Variants in KRT3 observed in about 807,000 individuals in gnomAD.
The protein encoded by KRT3 is keratin, type II cytoskeletal 3.
In KRT3, 34 loss-of-function variants were observed where a neutral mutation model predicts 45.8. That is an observed-to-expected ratio of 0.74 (90% confidence interval 0.57 to 0.99). KRT3 has a LOEUF of 0.99. KRT3 is among the 50% of genes least tolerant of loss of function. The pLI, the probability that KRT3 is intolerant of heterozygous loss-of-function variation, is 0.00. For missense variants in KRT3, 828 were observed against 820.6 expected (o/e 1.01, Z -0.11); for synonymous variants, 367 against 329.0 (o/e 1.12, Z -1.25).
Position 52,795,523 on chromosome 12 carries a change from T to G in KRT3, c.520A>C (p.Thr174Pro), listed in dbSNP as rs1939616774. ...GGFPGGIQEV[T>P]INQSLLQPLN... ...GGCTGCAGGAGACTCTGGTTGATAG[T>G]CACTTCCTGAATTCCCCCAGGAAAG... Residue 174 changes from threonine (T) to proline (P), a missense_variant, in exon 1 of 9, where the codon ACT becomes CCT. Physicochemically the swap from Thr to Pro is conservative, Grantham distance 38. Transcript: ENST00000417996. The G allele has an allele frequency of 6.2e-7, 1 of 1,613,938 alleles. No individual in the cohort carries two copies. Among genetic ancestry groups the G allele is most frequent in the African/African-American group, 1.3e-5 (1 of 74,872 alleles).
Position 52,789,998 on chromosome 12 carries a change from C to T in KRT3, c.*44G>A. 1 of 1,519,602 alleles carries T rather than the reference C, an allele frequency of 6.6e-7. No individual in the cohort carries two copies. Among genetic ancestry groups the T allele is most frequent in the Non-Finnish European group, 8.8e-7 (1 of 1,130,708 alleles). 94.1% of individuals were successfully genotyped at this position (1,519,602 alleles called of 1,614,324 possible). ...GTTGCCAATATGGGGGCGTGGGGAGCGGAGGGGAGGCGCTGGAGTGGCTGC... is the reference window on the plus strand; with the variant it reads ...GTTGCCAATATGGGGGCGTGGGGAGTGGAGGGGAGGCGCTGGAGTGGCTGC... On this transcript the variant is annotated 3_prime_UTR_variant, in exon 9 of 9. Transcript: ENST00000417996.
Position 52,795,866 on chromosome 12 carries a change from G to A in KRT3, c.177C>T (p.Asn59=), listed in dbSNP as rs1939634144. The A allele has an allele frequency of 4.3e-6, 7 of 1,614,048 alleles. No homozygotes were observed. The East Asian group carries it at 8.9e-5, about 21-fold the overall frequency. ...AGGFGSRSLY[N]LGGNKSISIS... ...TGGAGATGCTCTTGTTGCCGCCCAG[G>A]TTGTAGAGGCTGCGACTGCCAAAGC... is the stretch of plus-strand genomic sequence containing the variant. The change falls in exon 1 of 9, where the codon AAC becomes AAT. Residue 59 remains asparagine (N), a synonymous_variant. Coordinates refer to ENST00000417996, the MANE Select transcript of KRT3 (RefSeq NM_057088.3).
chr12:52,791,680 G>T lies in KRT3; in HGVS notation c.1314+11C>A. ...AATCATCCCAGGTGCCAGCATCCAT[G>T]ACCATCCCACCTGCTTCTTGACACC... On this transcript the variant is annotated intron_variant, in intron 6 of 8. Coordinates refer to ENST00000417996, the MANE Select transcript of KRT3 (RefSeq NM_057088.3). 1 of 1,613,980 alleles carries T rather than the reference G, an allele frequency of 6.2e-7. No individual in the cohort carries two copies. The highest frequency in any genetic ancestry group is 8.5e-7 in the Non-Finnish European group (1 of 1,179,928).
rs1057130008 is a variant in KRT3, at chr12:52,790,333, G to A, written c.1596C>T (p.Ser532=). ...SISVVSSSTT[S]ASAGGYGGGY... is the part of the protein sequence containing the mutation. ...CTCCTCCATAGCCACCTGCGGAGGC[G>A]GAAGTCGTGCTGCTGCTGACCACGG... The change falls in exon 9 of 9, where the codon TCC becomes TCT. Residue 532 remains serine, a synonymous_variant. Coordinates refer to ENST00000417996, the MANE Select transcript of KRT3 (RefSeq NM_057088.3). 2 of 1,595,022 alleles carry A rather than the reference G, an allele frequency of 1.3e-6. No individual in the cohort carries two copies. Among genetic ancestry groups the A allele is most frequent in the Non-Finnish European group, 1.7e-6 (2 of 1,170,068 alleles).
chr12:52,790,285 A>C lies in KRT3; in HGVS notation c.1644T>G (p.Gly548=). ...YGGGYGGGMG[G]GLGGGFSAGG... ...CCGCACTGAAGCCACCTCCTAAACC[A>C]CCGCCCATGCCTCCGCCGTAACCTC... is the stretch of plus-strand genomic sequence containing the variant. The change falls in exon 9 of 9, where the codon GGT becomes GGG. Residue 548 remains glycine, a synonymous_variant. Coordinates refer to ENST00000417996, the MANE Select transcript of KRT3 (RefSeq NM_057088.3). 1 of 1,556,364 alleles carries C rather than the reference A, an allele frequency of 6.4e-7. No individual in the cohort carries two copies. Among genetic ancestry groups the C allele is most frequent in the East Asian group, 2.4e-5 (1 of 41,340 alleles).
rs745366431 is a variant in KRT3, at chr12:52,796,050, A to C, written c.-8T>G. The C allele has an allele frequency of 9.9e-5, 160 of 1,612,502 alleles. 1 individual carries two copies. The South Asian group carries it at 1.7e-3, about 17-fold the overall frequency. On this transcript the variant is annotated 5_prime_UTR_variant, in exon 1 of 9. Coordinates refer to ENST00000417996, the MANE Select transcript of KRT3 (RefSeq NM_057088.3). ...GCTGGCTTGTCTGCTCATGGTAAGG[A>C]GCTTGGCGAAGAGAAGAGTGTAAGT...
Position 52,791,198 on chromosome 12 carries a change from A to T in KRT3, c.1535+8T>A, listed in dbSNP as rs746339907. On this transcript the variant is annotated splice_region_variant and intron_variant, in intron 7 of 8. Transcript: ENST00000417996. ...AGGGGGTGTGGGAAGACGGGACTGG[A>T]GGCTCACCTGTACTCCTCGCCCTCC... 2 of 1,614,124 alleles carry T rather than the reference A, an allele frequency of 1.2e-6. No individual in the cohort carries two copies. Among genetic ancestry groups the T allele is most frequent in the Admixed American group, 3.3e-5 (2 of 60,028 alleles).
At chr12:52,791,853 C>A in intron 5 of KRT3, 37 bp from the exon 6 acceptor site, 1 of 1,596,178 alleles carries the variant, frequency 6.3e-7, no homozygotes. Context: ...ATTCCTGCAG[C>A]TTTGCTTGAC....
Position 52,790,173 on chromosome 12 carries a change from C to A in KRT3, c.1756G>T (p.Gly586Cys). ...CCAGAGATGGAGCCAAAGCCGCTGC[C>A]ACCGCTGAAACCGCTGCTGCCGCCG... ...FGGGSSGFSG[G>C]SGFGSISGAR... Residue 586 changes from glycine to cysteine, a missense_variant, in exon 9 of 9, where the codon GGC (glycine) becomes TGC (cysteine). Gly to Cys is a radical substitution (Grantham distance 159). Coordinates refer to ENST00000417996, the MANE Select transcript of KRT3 (RefSeq NM_057088.3). 6.5e-7 allele frequency: 1 copy of A among 1,548,554 alleles called. No individual in the cohort carries two copies. Among genetic ancestry groups the A allele is most frequent in the Non-Finnish European group, 8.7e-7 (1 of 1,146,848 alleles).
chr12:52,791,606 C>CAGACG, intron 6 of KRT3, 85 bp downstream of exon 6: 1 of 1,569,382 alleles, frequency 6.4e-7, no homozygotes, highest in East Asian at 2.2e-5. Flanking sequence ...GACCTCCAGA[C>CAGACG]GTCTATTCCA....
chr12:52,789,748 A>AG lies in KRT3; in HGVS notation c.*293_*294insC. The AG allele has an allele frequency of 1.7e-6, 1 of 585,178 alleles. No homozygotes were observed. The highest frequency in any genetic ancestry group is 3.0e-5 in the Admixed American group (1 of 33,494). 36.2% of individuals were successfully genotyped at this position (585,178 alleles called of 1,614,324 possible). ...GCGGAGGGGGCTGTGTGCTATATAC[A>AG]TCAGAGCTGTAGTGAGCATCCCACC... On this transcript the variant is annotated 3_prime_UTR_variant, in exon 9 of 9. Coordinates refer to ENST00000417996, the MANE Select transcript of KRT3 (RefSeq NM_057088.3).
rs1178452903 is a variant in KRT3, at chr12:52,789,760, G to C, written c.*282C>G. On this transcript the variant is annotated 3_prime_UTR_variant, in exon 9 of 9. Transcript: ENST00000417996. ...GTGTGCTATATACATCAGAGCTGTA[G>C]TGAGCATCCCACCCAGGGAGGGGAC... 2 of 594,618 alleles carry C rather than the reference G, an allele frequency of 3.4e-6. No individual in the cohort carries two copies. The highest frequency in any genetic ancestry group is 3.7e-5 in the African/African-American group (2 of 53,718). The allele number at this position is 594,618 out of a possible 1,614,324, so 36.8% of individuals were successfully genotyped here.
Position 52,795,440 on chromosome 12 carries a change from C to A in KRT3, c.603G>T (p.Gln201His). 6.2e-7 allele frequency: 1 copy of A among 1,614,188 alleles called. No homozygotes were observed. The highest frequency in any genetic ancestry group is 1.3e-5 in the African/African-American group (1 of 75,052). ...CAAACTTGTTGTTGAGGGTCTTGAT[C>A]TGTTCCCGCTCCTGGGCCTTTACTT... ...IGQVKAQERE[Q>H]IKTLNNKFAS... The change falls in exon 1 of 9, where the codon CAG becomes CAT. Residue 201 changes from glutamine to histidine, a missense_variant. Physicochemically the swap from Gln to His is conservative, Grantham distance 24. Coordinates refer to ENST00000417996, the MANE Select transcript of KRT3 (RefSeq NM_057088.3).
chr12:52,792,228 C>G lies in KRT3; in HGVS notation c.1188+11G>C. 2 of 1,612,214 alleles carry G rather than the reference C, an allele frequency of 1.2e-6. No homozygotes were observed. Among genetic ancestry groups the G allele is most frequent in the Non-Finnish European group, 1.7e-6 (2 of 1,178,522 alleles). ...CTCCAGTGGATCCCGTAAGAGGTGA[C>G]TAGCACCCACCTTGGTCTGGTACAG... On this transcript the variant is annotated intron_variant, in intron 5 of 8. Coordinates refer to ENST00000417996, the MANE Select transcript of KRT3 (RefSeq NM_057088.3).
At chr12:52,792,452 C>T in intron 4 of KRT3, 49 bp from the exon 5 acceptor site, 2 of 1,561,930 alleles carry the variant, frequency 1.3e-6, no homozygotes, top group Non-Finnish European at 8.8e-7. Flanking sequence ...CTGTAACAAG[C>T]ACACAGGGCC....
rs1199446693 is a variant in KRT3 at position 52,789,710 on chromosome 12, A to C, written c.*332T>G. On this transcript the variant is annotated 3_prime_UTR_variant, in exon 9 of 9. Transcript: ENST00000417996. Reference sequence around the variant, plus strand: ...TGAAACACAGTGCACTTTATTGGCGACAGACCGGAGGGGCGGAGGGGGCTG... The same window carrying C: ...TGAAACACAGTGCACTTTATTGGCGCCAGACCGGAGGGGCGGAGGGGGCTG... 1 of 489,930 alleles carries C rather than the reference A, an allele frequency of 2.0e-6. No homozygotes were observed. 30.3% of individuals were successfully genotyped at this position (489,930 alleles called of 1,614,324 possible).
rs376000587 is a variant in KRT3, at chr12:52,794,020, A to T, written c.866+91T>A. ...AGAGGGAAATGGGCCAGGAGACGCC[A>T]CTGCCCAGCAGTCAGGGGGCATGTA... On this transcript the variant is annotated intron_variant, in intron 2 of 8. Coordinates refer to ENST00000417996, the MANE Select transcript of KRT3 (RefSeq NM_057088.3). 3.5e-4 allele frequency: 339 copies of T among 958,828 alleles called. 12 individuals carry two copies. In the East Asian group the frequency reaches 4.7e-3, roughly 13 times the overall value. 59.4% of individuals were successfully genotyped at this position (958,828 alleles called of 1,614,324 possible). A position where few individuals can be genotyped will look rare whatever the true frequency, so the allele number is the denominator to read the frequency against.
Position 52,792,732 on chromosome 12 carries a change from G to A in KRT3, c.1002C>T (p.Phe334=). The A allele has an allele frequency of 6.2e-7, 1 of 1,612,396 alleles. No individual in the cohort carries two copies. Among genetic ancestry groups the A allele is most frequent in the Middle Eastern group, 1.7e-4 (1 of 6,056 alleles). Residue 334 remains phenylalanine, a synonymous_variant, in exon 4 of 9, where the codon TTC becomes TTT. Transcript: ENST00000417996. ...KVDALIDEID[F]LRTLYDAELS... ...TTACAGCGTCGTAGAGGGTCCTTAA[G>A]AAGTCGATCTCATCTATCAAGGCAT...
rs751427560 is a variant in KRT3 at position 52,792,422 on chromosome 12, C to G, written c.1024-19G>C. The G allele has an allele frequency of 4.3e-6, 7 of 1,612,484 alleles. No individual in the cohort carries two copies. The Admixed American group carries it at 1.2e-4, about 27-fold the overall frequency. The stretch of plus-strand genomic sequence containing the variant: ...ATAGCTCCTGTCAACACAGAGGGAG[C>G]TTGTTCACTTTTGGGGTCCCTGTAA... On this transcript the variant is annotated intron_variant, in intron 4 of 8. Transcript: ENST00000417996.
Sources: gnomAD v4.1 joint callset for allele counts on GRCh38, gnomAD v4.1.1 for gene constraint, MANE v1.5 for transcripts, NCBI Gene and HGNC (gene_info 2026-07-23, HGNC 2026-07-21) for gene names.